Variants in ARHGEF28 observed in about 807,000 individuals in gnomAD.
ARHGEF28 encodes 190 kDa guanine nucleotide exchange factor.
ARHGEF28 carries 152 observed loss-of-function variants against 206.6 expected under a neutral mutation model. That is an observed-to-expected ratio of 0.74 (90% confidence interval 0.64 to 0.84). ARHGEF28 has a LOEUF of 0.84. Among genes scored for constraint, ARHGEF28 ranks in the 40% least tolerant of loss-of-function variants. The pLI is 0.00. For missense variants in ARHGEF28, 2,028 were observed against 2,073.2 expected (o/e 0.98, Z 0.42); for synonymous variants, 763 against 776.4 (o/e 0.98, Z 0.29).
chr5:73,938,255 C>A (rs564613580), intron 35 of ARHGEF28, among the ~76,000 whole-genome samples: 29 of 151,002 alleles, frequency 1.9e-4, no homozygotes, highest in Non-Finnish European at 3.7e-4. Context: ...TGAAGTAGAG[C>A]ATACAATGTA....
At chr5:73,655,293 A>G (rs1745116669) in intron 1 of ARHGEF28, among the ~76,000 whole-genome samples, 1 of 152,000 alleles carries the variant, frequency 6.6e-6, no homozygotes, top group African/African-American at 2.4e-5. Context: ...TTTAACCTTT[A>G]TGTGGAGACT....
In ARHGEF28 at chr5:73,776,034, C is replaced by T. The variant is rs190446582; in HGVS notation, c.660-482C>T. ...AATTTGCATAAGAAAGAATTTACAA[C>T]AGTGGTACCATGTGTTATGAATATC... is the stretch of plus-strand genomic sequence containing the variant. On this transcript the variant is annotated intron_variant, in intron 5 of 35. Coordinates refer to ENST00000513042, the MANE Select transcript of ARHGEF28 (RefSeq NM_001177693.2). 5.4e-3 allele frequency among the ~76,000 whole-genome samples: 828 copies of T among 152,304 alleles called. 5 individuals carry two copies. The highest frequency in any genetic ancestry group is 9.0e-3 in the Non-Finnish European group (611 of 68,020).
intron 10 of ARHGEF28, among the ~76,000 whole-genome samples, chr5:73,840,176 G>A (rs1757896361): frequency 6.6e-6 from 1 of 152,134 alleles, no homozygotes; most frequent in Admixed American, 6.5e-5. Context: ...GAGTGCACTG[G>A]CGCAATCGCT....
chr5:73,719,391 A>G lies in ARHGEF28; in HGVS notation c.34-30446A>G, dbSNP rs573482137. ...ACGCCGCTGCACTTCAGCCTAGGCG[A>G]CAGAGGGAGACTCCGTCTCAGAAAA... On this transcript the variant is annotated intron_variant, in intron 2 of 35. Coordinates refer to ENST00000513042, the MANE Select transcript of ARHGEF28 (RefSeq NM_001177693.2). 2.0e-5 allele frequency among the ~76,000 whole-genome samples: 3 copies of G among 149,458 alleles called. 1 individual carries two copies. In the South Asian group the frequency reaches 6.4e-4, roughly 32 times the overall value.
At chr5:73,811,864 A>G (rs1755856086) in intron 9 of ARHGEF28, among the ~76,000 whole-genome samples, 1 of 151,738 alleles carries the variant, frequency 6.6e-6, no homozygotes, top group Non-Finnish European at 1.5e-5. Context: ...ATGCCTGTAG[A>G]CGCAACTACT....
At chr5:73,820,089 T>C (rs932381598) in intron 9 of ARHGEF28, among the ~76,000 whole-genome samples, 3 of 152,166 alleles carry the variant, frequency 2.0e-5, no homozygotes, top group Admixed American at 1.3e-4. Context: ...GCAGTGAATA[T>C]TGAAAGTGCC....
At chr5:73,659,579 A>G (rs955152488) in intron 1 of ARHGEF28, among the ~76,000 whole-genome samples, 3 of 152,060 alleles carry the variant, frequency 2.0e-5, no homozygotes, top group Non-Finnish European at 2.9e-5. Context: ...GTACATGTGT[A>G]TGTTGGTAGT....
At chr5:73,790,039 A>C (rs911365658) in intron 7 of ARHGEF28, among the ~76,000 whole-genome samples, 2 of 152,214 alleles carry the variant, frequency 1.3e-5, no homozygotes, top group Non-Finnish European at 2.9e-5. Flanking sequence ...TCACAGTAAG[A>C]GTAGGCACAC....
intron 9 of ARHGEF28, among the ~76,000 whole-genome samples, chr5:73,821,857 G>A (rs985460196): frequency 6.6e-6 from 1 of 152,024 alleles, no homozygotes; most frequent in Admixed American, 6.5e-5. Flanking sequence ...AAGAAAAAAA[G>A]TTATTTATAC....
chr5:73,893,870 C>G (rs1281154797), intron 28 of ARHGEF28, among the ~76,000 whole-genome samples: 1 of 152,150 alleles, frequency 6.6e-6, no homozygotes, highest in African/African-American at 2.4e-5. Flanking sequence ...GGATTCAATG[C>G]TAGTTAAGGT....
chr5:73,685,210 T>C (rs140623177), intron 2 of ARHGEF28, among the ~76,000 whole-genome samples: 49 of 152,318 alleles, frequency 3.2e-4, no homozygotes, highest in African/African-American at 1.1e-3. Context: ...AACTTTTCTA[T>C]GTGTGTCTTT....
At chr5:73,760,248 A>G (rs1254570737) in intron 4 of ARHGEF28, among the ~76,000 whole-genome samples, 1 of 152,216 alleles carries the variant, frequency 6.6e-6, no homozygotes, top group South Asian at 2.1e-4. Flanking sequence ...ACCAGTGGGT[A>G]GGAAACCCAT....
rs1313104191 is a variant in ARHGEF28, at chr5:73,870,112, C to T, written c.2469C>T (p.Ala823=). 1 of 1,613,728 alleles carries T rather than the reference C, an allele frequency of 6.2e-7. No individual in the cohort carries two copies. The highest frequency in any genetic ancestry group is 8.5e-7 in the Non-Finnish European group (1 of 1,179,834). Residue 823 remains alanine (A), a synonymous_variant, in exon 21 of 36, where the codon GCC becomes GCT. Transcript: ENST00000513042. ...TGTGGAGTGACCTCAGCAGTGATGCCCAGGAGTTTGAAGCAGAATCTTGGA... is the reference window on the plus strand; with the variant it reads ...TGTGGAGTGACCTCAGCAGTGATGCTCAGGAGTTTGAAGCAGAATCTTGGA... The part of the protein sequence containing the change: ...SSLWSDLSSD[A]QEFEAESWSL...
intron 5 of ARHGEF28, among the ~76,000 whole-genome samples, chr5:73,775,189 C>A (rs1008767915): frequency 2.6e-5 from 4 of 152,188 alleles, no homozygotes; most frequent in African/African-American, 9.7e-5. Flanking sequence ...CTACTGAGGT[C>A]CTAGAGGCAC....
At chr5:73,669,608 G>GTGT (rs1561321581) in intron 1 of ARHGEF28, among the ~76,000 whole-genome samples, 1 of 152,124 alleles carries the variant, frequency 6.6e-6, no homozygotes, top group East Asian at 1.9e-4. Context: ...ATATTCAGAC[G>GTGT]TGTTGTAGTC....
intron 1 of ARHGEF28, among the ~76,000 whole-genome samples, chr5:73,628,524 C>A (rs1743149337): frequency 6.6e-6 from 1 of 152,158 alleles, no homozygotes; most frequent in Non-Finnish European, 1.5e-5. Flanking sequence ...TATGACAGAT[C>A]TGGTTTGTGT....
chr5:73,741,088 GA>G, intron 2 of ARHGEF28, among the ~76,000 whole-genome samples: 1 of 152,160 alleles, frequency 6.6e-6, no homozygotes, highest in South Asian at 2.1e-4. Flanking sequence ...TAAAGTGCCA[GA>G]TACTTGTTTT....
intron 4 of ARHGEF28, among the ~76,000 whole-genome samples, chr5:73,764,527 G>A (rs1387668381): frequency 3.9e-5 from 6 of 152,200 alleles, no homozygotes; most frequent in Non-Finnish European, 8.8e-5. Flanking sequence ...TGGAATGAAT[G>A]TGTGTGTGAT....
intron 1 of ARHGEF28, among the ~76,000 whole-genome samples, chr5:73,667,655 C>G (rs185257768): frequency 8.5e-5 from 13 of 152,316 alleles, no homozygotes; most frequent in Non-Finnish European, 1.3e-4. Flanking sequence ...CAGCTTTTCT[C>G]TTCTTTACAT....
Sources: allele counts gnomAD v4.1 joint callset (sites outside exome capture counted in the v4.1 genomes callset), GRCh38; gene constraint gnomAD v4.1.1; transcripts MANE v1.5; gene names NCBI Gene and HGNC (gene_info 2026-07-23, HGNC 2026-07-21).